Variants in CNOT10 observed in about 807,000 individuals in gnomAD.
The protein encoded by CNOT10 is CCR4-NOT transcription complex, subunit 10.
CNOT10 carries 30 observed loss-of-function variants against 94.6 expected under a neutral mutation model. The ratio of observed to expected loss-of-function variants is 0.32; its 90% CI spans 0.24 to 0.43. The LOEUF is 0.43. Among genes scored for constraint, CNOT10 ranks in the 20% least tolerant of loss-of-function variants. The pLI is 1.00. For synonymous variants in CNOT10, 289 were observed against 301.6 expected (o/e 0.96, Z 0.43); for missense variants, 759 against 877.2 (o/e 0.87, Z 1.70).
chr3:32,698,236 G>T (rs548961332), intron 1 of CNOT10, among the ~76,000 whole-genome samples: 1 of 152,244 alleles, frequency 6.6e-6, no homozygotes, highest in Non-Finnish European at 1.5e-5. Context: ...CCTCCCTGTC[G>T]TATGCTAAAG....
intron 10 of CNOT10, 153 bp downstream of exon 10, chr3:32,728,023 T>C: frequency 1.9e-6 from 1 of 532,474 alleles, no homozygotes. Context: ...TGAGACGGAG[T>C]TTCTCTCTTA....
chr3:32,721,700 G>A (rs1365760238), intron 8 of CNOT10, among the ~76,000 whole-genome samples: 1 of 145,388 alleles, frequency 6.9e-6, no homozygotes, highest in African/African-American at 2.6e-5. Context: ...AGGCTGGAGT[G>A]CAGTGGCACA....
intron 13 of CNOT10, among the ~76,000 whole-genome samples, chr3:32,759,170 T>TATAC (rs10663523): frequency 0.02 from 2,977 of 151,714 alleles, 96 homozygotes; most frequent in African/African-American, 0.065. Context: ...TCTATACATA[T>TATAC]ATACATACAT....
intron 13 of CNOT10, among the ~76,000 whole-genome samples, chr3:32,743,582 C>T (rs768147886): frequency 1.1e-4 from 17 of 152,020 alleles, no homozygotes; most frequent in African/African-American, 1.7e-4. Flanking sequence ...TGCAGTGAGC[C>T]GAGATCGTGC....
At chr3:32,695,039 A>C (rs574122922) in intron 1 of CNOT10, among the ~76,000 whole-genome samples, 1 of 152,152 alleles carries the variant, frequency 6.6e-6, no homozygotes, top group African/African-American at 2.4e-5. Context: ...GATATTATTG[A>C]TTTGAATTTC....
At chr3:32,729,982 A>T (rs1366484292) in intron 10 of CNOT10, among the ~76,000 whole-genome samples, 1 of 151,102 alleles carries the variant, frequency 6.6e-6, no homozygotes, top group Non-Finnish European at 1.5e-5. Context: ...TTTAGCCGGG[A>T]TGGTCTCGAT....
chr3:32,687,337 C>G (rs2125482956), intron 1 of CNOT10, among the ~76,000 whole-genome samples: 1 of 151,750 alleles, frequency 6.6e-6, no homozygotes, highest in African/African-American at 2.4e-5. Context: ...TGTCATTCCC[C>G]TTCCTATAAA....
chr3:32,756,890 C>G (rs1333630344), intron 13 of CNOT10, among the ~76,000 whole-genome samples: 1 of 151,372 alleles, frequency 6.6e-6, no homozygotes, highest in Non-Finnish European at 1.5e-5. Context: ...GGGCAGATCA[C>G]AAGGTCAGGA....
intron 14 of CNOT10, among the ~76,000 whole-genome samples, chr3:32,762,091 A>G (rs1700473533): frequency 6.6e-6 from 1 of 150,826 alleles, no homozygotes; most frequent in South Asian, 2.1e-4. Context: ...TAAAACTATA[A>G]AAGTTTAGTT....
At chr3:32,759,376 G>A in intron 13 of CNOT10, 82 bp from the exon 14 acceptor site, 1 of 941,070 alleles carries the variant, frequency 1.1e-6, no homozygotes, top group Non-Finnish European at 1.7e-6. Context: ...CACAGCTAAA[G>A]GGCATTTCTT....
At chr3:32,735,431 G>T (rs1449693145) in intron 12 of CNOT10, among the ~76,000 whole-genome samples, 1 of 152,182 alleles carries the variant, frequency 6.6e-6, no homozygotes, top group East Asian at 1.9e-4. Context: ...AATTTGGCCA[G>T]GTGTGGGGGC....
At chr3:32,769,998 G>A (rs1056667263) in intron 18 of CNOT10, 36 bp downstream of exon 18, 1 of 1,536,736 alleles carries the variant, frequency 6.5e-7, no homozygotes, top group Non-Finnish European at 9.0e-7. Context: ...TTTATCCCTT[G>A]AAAGAGCCTG....
intron 2 of CNOT10, 97 bp from the exon 3 acceptor site, chr3:32,704,714 T>G: frequency 2.9e-6 from 4 of 1,359,458 alleles, no homozygotes; most frequent in Non-Finnish European, 4.0e-6. Context: ...TTTAAGAACT[T>G]TTAAGATAAA....
intron 13 of CNOT10, among the ~76,000 whole-genome samples, chr3:32,754,469 T>C (rs1559512244): frequency 7.6e-5 from 3 of 39,502 alleles, no homozygotes; most frequent in African/African-American, 1.7e-4. Flanking sequence ...AGAGCAAGAC[T>C]CCGTCTCAAA....
chr3:32,744,687 G>A (rs960864098), intron 13 of CNOT10, among the ~76,000 whole-genome samples: 3 of 152,046 alleles, frequency 2.0e-5, no homozygotes, highest in Admixed American at 6.6e-5. Context: ...TTAAGGTTTG[G>A]ATGAACTTAG....
At chr3:32,729,029 G>A (rs1182379101) in intron 10 of CNOT10, among the ~76,000 whole-genome samples, 1 of 152,232 alleles carries the variant, frequency 6.6e-6, no homozygotes, top group African/African-American at 2.4e-5. Context: ...CCAGGAGGCG[G>A]AGCTTGCAGC....
At chr3:32,725,671 G>A (rs374522809) in intron 9 of CNOT10, 72 bp downstream of exon 9, 20 of 1,364,266 alleles carry the variant, frequency 1.5e-5, no homozygotes, top group African/African-American at 1.5e-4. Flanking sequence ...CATGAATGTG[G>A]TTAAAATACC....
rs1700504958 is a variant in CNOT10, at chr3:32,762,734, T to C, written c.1711T>C (p.Phe571Leu). 1 of 1,583,070 alleles carries C rather than the reference T, an allele frequency of 6.3e-7. No individual in the cohort carries two copies. Among genetic ancestry groups the C allele is most frequent in the African/African-American group, 1.4e-5 (1 of 72,866 alleles). The change falls in exon 15 of 19, where the codon TTT becomes CTT. Residue 571 changes from phenylalanine to leucine, a missense_variant and splice_region_variant. By Grantham distance (22) the Phe-to-Leu change is conservative. This residue lies in a region of CNOT10 where 682 missense variants were observed against 799.4 expected (regional missense o/e 0.85). Coordinates refer to ENST00000328834, the MANE Select transcript of CNOT10 (RefSeq NM_015442.3). ...TTGGAATCTGTTTTTTCATTTTAGG[T>C]TTTTGGGACATTTATATGCTGCAGA... ...QQPKLSGSLK[F>L]LGHLYAAEAL... is the part of the protein sequence containing the mutation.
Position 32,760,576 on chromosome 3 carries a change from G to A in CNOT10, c.1709+1005G>A, listed in dbSNP as rs142705463. Among the ~76,000 whole-genome samples the A allele has an allele frequency of 2.4e-3, 360 of 152,192 alleles. 2 individuals are homozygous for A. Among genetic ancestry groups the A allele is most frequent in the African/African-American group, 8.0e-3 (332 of 41,536 alleles). On this transcript the variant is annotated intron_variant, in intron 14 of 18. Coordinates refer to ENST00000328834, the MANE Select transcript of CNOT10 (RefSeq NM_015442.3). ...GAGCCTGGGGGGCGGACGTTGCGGT[G>A]AGCCACGGTTGCACCATTGCACTCC...
Sources: allele counts gnomAD v4.1 joint callset (sites outside exome capture counted in the v4.1 genomes callset), GRCh38; gene constraint gnomAD v4.1.1; regional missense constraint gnomAD v4.1.1; transcripts MANE v1.5; gene names NCBI Gene and HGNC (gene_info 2026-07-23, HGNC 2026-07-21).